Variants in GPHN observed in about 807,000 individuals in gnomAD.
GPHN encodes the protein gephyrin.
A neutral mutation model predicts 95.5 loss-of-function variants in GPHN; 17 were observed. The observed-to-expected ratio is 0.18, with a 90% CI of 0.12 to 0.27. GPHN has a LOEUF of 0.27. Ranked by LOEUF, GPHN falls within the 10% of genes least tolerant of loss-of-function variation. The pLI, the probability that GPHN is intolerant of heterozygous loss-of-function variation, is 1.00. For synonymous variants in GPHN, 320 were observed against 322.5 expected (o/e 0.99, Z 0.08); for missense variants, 660 against 978.1 (o/e 0.67, Z 4.34).
intron 1 of GPHN, among the ~76,000 whole-genome samples, chr14:66,649,729 A>G (rs890365455): frequency 3.9e-5 from 6 of 152,138 alleles, no homozygotes; most frequent in Non-Finnish European, 5.9e-5. Flanking sequence ...ATAGTAAATC[A>G]ATTACTTGCA....
At chr14:67,388,799 T>C in the GPHN span, among the ~76,000 whole-genome samples, 2 of 152,020 alleles carry the variant, frequency 1.3e-5, no homozygotes, top group African/African-American at 4.8e-5. Context: ...CCTGCCTCAG[T>C]CTCCCGAGGA....
At chr14:67,211,830 C>A in the GPHN span, among the ~76,000 whole-genome samples, 3 of 152,054 alleles carry the variant, frequency 2.0e-5, no homozygotes, top group Admixed American at 1.3e-4. Context: ...GGTGATGGAG[C>A]AAGACACTGA....
chr14:66,765,971 G>A (rs1043655367), intron 2 of GPHN, among the ~76,000 whole-genome samples: 1 of 152,114 alleles, frequency 6.6e-6, no homozygotes, highest in African/African-American at 2.4e-5. Flanking sequence ...ATGAAAACTA[G>A]CTAGAATACA....
intron 6 of GPHN, among the ~76,000 whole-genome samples, chr14:66,918,161 A>G (rs1208772628): frequency 6.6e-6 from 1 of 152,192 alleles, no homozygotes; most frequent in Non-Finnish European, 1.5e-5. Context: ...GCCAAGGGAG[A>G]AAGTGCATAG....
At chr14:67,232,156 T>G in the GPHN span, among the ~76,000 whole-genome samples, 1 of 152,042 alleles carries the variant, frequency 6.6e-6, no homozygotes, top group African/African-American at 2.4e-5. Context: ...AAGATGGCAG[T>G]GGTGGTGTGT....
intron 8 of GPHN, among the ~76,000 whole-genome samples, chr14:66,942,140 T>C (rs566795572): frequency 1.2e-4 from 19 of 152,256 alleles, no homozygotes; most frequent in Admixed American, 5.2e-4. Context: ...GCCTCCCAAG[T>C]ACCTGAGATT....
intron 17 of GPHN, 25 bp from the exon 18 acceptor site, chr14:67,143,337 T>C (rs1488401241): frequency 6.7e-7 from 1 of 1,481,870 alleles, no homozygotes; most frequent in Admixed American, 1.7e-5. Context: ...TGTGTGTTAA[T>C]TTCTTTGTCT....
intron 9 of GPHN, among the ~76,000 whole-genome samples, chr14:66,984,250 C>G (rs2070874170): frequency 1.3e-5 from 2 of 152,058 alleles, no homozygotes; most frequent in Non-Finnish European, 2.9e-5. Context: ...ATATAAAGAC[C>G]TCAGAAATCA....
intron 5 of GPHN, among the ~76,000 whole-genome samples, chr14:66,886,451 T>G (rs1009345774): frequency 6.6e-6 from 1 of 152,044 alleles, no homozygotes; most frequent in African/African-American, 2.4e-5. Flanking sequence ...ATCATGACAA[T>G]GTACTCAGGA....
At chr14:67,332,859 T>G in the GPHN span, 39 of 1,613,970 alleles carry the variant, frequency 2.4e-5, no homozygotes, top group Admixed American at 5.0e-5. Context: ...ACGGCAATTG[T>G]GAATTCCGAT....
At chr14:67,507,598 G>A in the GPHN span, among the ~76,000 whole-genome samples, 18 of 152,104 alleles carry the variant, frequency 1.2e-4, no homozygotes, top group African/African-American at 3.1e-4. Context: ...ACAGACATGC[G>A]CCACCATGTC....
intron 8 of GPHN, 46 bp from the exon 9 acceptor site, chr14:66,965,145 A>G (rs1384290791): frequency 1.3e-6 from 2 of 1,536,942 alleles, no homozygotes; most frequent in African/African-American, 2.7e-5. Flanking sequence ...TCTACATGTT[A>G]TTGACATTTT....
the GPHN span, among the ~76,000 whole-genome samples, chr14:67,560,454 C>T: frequency 2.0e-5 from 3 of 152,214 alleles, no homozygotes; most frequent in African/African-American, 7.2e-5. Flanking sequence ...CAGTGTTGTG[C>T]AGCCATCACT....
chr14:66,711,586 T>TG (rs1491471068), intron 2 of GPHN, among the ~76,000 whole-genome samples: 1 of 120,650 alleles, frequency 8.3e-6, no homozygotes, highest in African/African-American at 4.1e-5. Context: ...AAATGGTAGT[T>TG]CTTTTTTTTT....
chr14:67,730,297 G>A, the GPHN span, among the ~76,000 whole-genome samples: 1 of 152,140 alleles, frequency 6.6e-6, no homozygotes, highest in Non-Finnish European at 1.5e-5. Flanking sequence ...CATTCAGTAT[G>A]GTAGCCACTA....
the GPHN span, among the ~76,000 whole-genome samples, chr14:67,511,073 G>C: frequency 6.6e-6 from 1 of 152,164 alleles, no homozygotes. Context: ...CTAAAACTCA[G>C]GGTGAGTGAC....
At chr14:67,625,115 T>C in the GPHN span, among the ~76,000 whole-genome samples, 2 of 151,858 alleles carry the variant, frequency 1.3e-5, no homozygotes, top group African/African-American at 4.8e-5. Flanking sequence ...AAGGAAAGAA[T>C]AGTCTTCAGT....
In GPHN at chr14:66,758,624, C is replaced by T. The variant is rs1415578394; in HGVS notation, c.144-17840C>T. On this transcript the variant is annotated intron_variant, in intron 2 of 22. Transcript: ENST00000478722. ...GGACAGCTTAGAAATCCTGAGGCTG[C>T]CACCATGCCAGGATAACTGGTGGCT... Among the ~76,000 whole-genome samples the T allele has an allele frequency of 1.2e-4, 18 of 152,114 alleles. 1 individual carries two copies. Among genetic ancestry groups the T allele is most frequent in the Admixed American group, 1.1e-3 (17 of 15,266 alleles).
chr14:66,875,293 C>A (rs1158176907), intron 4 of GPHN, among the ~76,000 whole-genome samples: 2 of 152,082 alleles, frequency 1.3e-5, no homozygotes, highest in Non-Finnish European at 2.9e-5. Flanking sequence ...GTACCAGCTA[C>A]TGCAAAAACA....
Sources: gnomAD v4.1 joint callset for allele counts (sites outside exome capture counted in the v4.1 genomes callset) on GRCh38, gnomAD v4.1.1 for gene constraint, MANE v1.5 for transcripts, NCBI Gene and HGNC (gene_info 2026-07-23, HGNC 2026-07-21) for gene names.